The following EPS15L1 variants were observed in gnomAD, a reference collection of about 807,000 sequenced individuals.
EPS15L1 encodes epidermal growth factor receptor pathway substrate 15 like 1.
In EPS15L1, 43 loss-of-function variants were observed where a neutral mutation model predicts 117.1. The observed-to-expected ratio is 0.37, with a 90% CI of 0.29 to 0.47. The LOEUF (loss-of-function observed/expected upper bound fraction) is 0.47, where lower values mean the gene tolerates loss of function less well. Among genes scored for constraint, EPS15L1 ranks in the 20% least tolerant of loss-of-function variants. The pLI is 0.99. For missense variants in EPS15L1, 981 were observed against 1,164.0 expected (o/e 0.84, Z 2.29); for synonymous variants, 459 against 470.5 (o/e 0.98, Z 0.32).
chr19:16,393,863 G>GT, intron 18 of EPS15L1, 88 bp downstream of exon 18: 1 of 1,288,586 alleles, frequency 7.8e-7, no homozygotes, highest in Middle Eastern at 1.9e-4. Context: ...CATCCCCGGT[G>GT]TATGTGGACA....
intron 22 of EPS15L1, among the ~76,000 whole-genome samples, chr19:16,373,430 GTTTT>G (rs907930605): frequency 2.5e-4 from 37 of 149,564 alleles, no homozygotes; most frequent in African/African-American, 8.4e-4. Flanking sequence ...TTGTTTGTTT[GTTTT>G]AAGAAAACAT....
intron 1 of EPS15L1, among the ~76,000 whole-genome samples, chr19:16,450,871 CCAT>C (rs1479221922): frequency 3.9e-5 from 6 of 152,122 alleles, no homozygotes; most frequent in Non-Finnish European, 8.8e-5. Flanking sequence ...CTGAACATAG[CCAT>C]CATCATCAAT....
Position 16,404,724 on chromosome 19 carries a change from T to A in EPS15L1, c.1292A>T (p.Glu431Val). ...CTCGAGCTCCTGCAAACTGCTTGTT[T>A]CCCGGTCTAGGTCATTTTGTAATTC... ...VQELQNDLDR[E>V]TSSLQELEAQ... Residue 431 changes from glutamate (E) to valine (V), a missense_variant, in exon 14 of 24, where the codon GAA becomes GTA. Physicochemically the swap from Glu to Val is moderately radical, Grantham distance 121. Transcript: ENST00000455140. The surrounding 1 kb of genome is among the most constrained non-coding windows in gnomAD (Gnocchi z 4.2). The A allele has an allele frequency of 6.2e-7, 1 of 1,614,220 alleles. No individual in the cohort carries two copies. The highest frequency in any genetic ancestry group is 8.5e-7 in the Non-Finnish European group (1 of 1,180,030).
intron 2 of EPS15L1, 22 bp from the exon 3 acceptor site, chr19:16,442,003 C>G: frequency 6.3e-7 from 1 of 1,599,780 alleles, no homozygotes; most frequent in Non-Finnish European, 8.5e-7. Context: ...GACCAAGAGG[C>G]AAAATAACTT....
intron 7 of EPS15L1, 124 bp downstream of exon 7, chr19:16,434,241 C>T (rs773805733): frequency 6.1e-6 from 8 of 1,301,758 alleles, no homozygotes; most frequent in Admixed American, 4.6e-5. Context: ...CTGATGAAAG[C>T]CCCTGATGGC....
intron 13 of EPS15L1, chr19:16,413,162 AC>A: frequency 1.5e-6 from 1 of 661,976 alleles, no homozygotes. Flanking sequence ...GGGCCATCAT[AC>A]TGGCCAAGCT....
chr19:16,370,664 T>G lies in EPS15L1; in HGVS notation c.2380+6458A>C, dbSNP rs190725712. The stretch of plus-strand genomic sequence containing the variant: ...ATGCTTCTATTTTCAAACTCAGTGG[T>G]CTTTACAGAACAGAAAGTGCTCCAA... On this transcript the variant is annotated intron_variant, in intron 22 of 23. Transcript: ENST00000455140. This position sits in a 1 kb window ranked among gnomAD's most constrained non-coding sequence, Gnocchi z 5.2. 2.6e-5 allele frequency among the ~76,000 whole-genome samples: 4 copies of G among 152,174 alleles called. No homozygotes were observed. Among genetic ancestry groups the G allele is most frequent in the Non-Finnish European group, 4.4e-5 (3 of 68,008 alleles).
intron 6 of EPS15L1, 74 bp downstream of exon 6, chr19:16,436,863 A>G: frequency 8.1e-7 from 1 of 1,232,728 alleles, no homozygotes; most frequent in South Asian, 1.3e-5. Flanking sequence ...CAATTCCAGA[A>G]CAATTCTAGA....
At chr19:16,400,336 C>CAAAAAAAAAAAAAAAA (rs1162302779) in intron 16 of EPS15L1, among the ~76,000 whole-genome samples, 14 of 60,700 alleles carry the variant, frequency 2.3e-4, no homozygotes, top group Admixed American at 1.5e-3. Flanking sequence ...GACTCCGTCT[C>CAAAAAAAAAAAAAAAA]AAAAAAAAAA....
rs544025345 is a variant in EPS15L1, at chr19:16,437,900, A to G, written c.214-35T>C. 7.9e-5 allele frequency: 121 copies of G among 1,524,354 alleles called. No individual in the cohort carries two copies. In the East Asian group the frequency reaches 2.6e-3, roughly 33 times the overall value. The allele number at this position is 1,524,354 out of a possible 1,614,324, so 94.4% of individuals were successfully genotyped here. ...CAAAGAAAGGGAAGGAGTAAACAGCATATCGCCAGTGAGGGTAGGGGGAGC... is the reference window on the plus strand; with the variant it reads ...CAAAGAAAGGGAAGGAGTAAACAGCGTATCGCCAGTGAGGGTAGGGGGAGC... On this transcript the variant is annotated intron_variant, in intron 4 of 23. Transcript: ENST00000455140.
At chr19:16,387,327 G>T (rs1413582732) in intron 19 of EPS15L1, among the ~76,000 whole-genome samples, 2 of 152,226 alleles carry the variant, frequency 1.3e-5, no homozygotes, top group Non-Finnish European at 2.9e-5. Flanking sequence ...GGCCAGGCGG[G>T]CAAGGCACAG....
chr19:16,376,447 A>C (rs528764732), intron 22 of EPS15L1, among the ~76,000 whole-genome samples: 2 of 152,324 alleles, frequency 1.3e-5, no homozygotes, highest in South Asian at 4.1e-4. Context: ...CTCGAGGGCC[A>C]AGGCTAGGAG....
intron 1 of EPS15L1, 23 bp from the exon 2 acceptor site, chr19:16,442,242 T>C (rs375104276): frequency 2.5e-6 from 4 of 1,609,546 alleles, no homozygotes; most frequent in Non-Finnish European, 3.4e-6. Flanking sequence ...CCACAGATAT[T>C]GGTCAAAAGT....
At chr19:16,375,325 A>G (rs2092281024) in intron 22 of EPS15L1, among the ~76,000 whole-genome samples, 1 of 151,962 alleles carries the variant, frequency 6.6e-6, no homozygotes, top group African/African-American at 2.4e-5. Context: ...GGCGTGGAGG[A>G]TGTGTGTACA....
At chr19:16,356,030 GC>G (rs939370956) in intron 23 of EPS15L1, among the ~76,000 whole-genome samples, 179 bp from the exon 24 acceptor site, 12 of 152,358 alleles carry the variant, frequency 7.9e-5, no homozygotes, top group African/African-American at 2.6e-4. Flanking sequence ...CCTGTCTCAG[GC>G]CCCCCATCTG....
Position 16,373,063 on chromosome 19 carries a change from C to T in EPS15L1, c.2380+4059G>A, listed in dbSNP as rs1342472240. On this transcript the variant is annotated intron_variant, in intron 22 of 23. Coordinates refer to ENST00000455140, the MANE Select transcript of EPS15L1 (RefSeq NM_001258374.3). ...GGGACATCAGACATGTTCCATGTGC[C>T]AGGCGGAGAGATGACAGAAAAGCTT... is the stretch of plus-strand genomic sequence containing the variant. 2.0e-5 allele frequency among the ~76,000 whole-genome samples: 3 copies of T among 152,226 alleles called. 1 individual carries two copies. The highest frequency in any genetic ancestry group is 4.1e-4 in the South Asian group (2 of 4,832).
At chr19:16,450,478 T>TC (rs985653005) in intron 1 of EPS15L1, among the ~76,000 whole-genome samples, 1 of 60,440 alleles carries the variant, frequency 1.7e-5, no homozygotes, top group African/African-American at 9.4e-5. Flanking sequence ...GTCCATCTTC[T>TC]TTTTTTTTTT....
intron 13 of EPS15L1, among the ~76,000 whole-genome samples, chr19:16,410,142 A>AG (rs1357263622): frequency 1.3e-5 from 2 of 152,070 alleles, no homozygotes; most frequent in Non-Finnish European, 2.9e-5. Flanking sequence ...TCAAAAAAAA[A>AG]AAAAAATGCA....
intron 23 of EPS15L1, among the ~76,000 whole-genome samples, chr19:16,360,457 G>A (rs1175874673): frequency 1.3e-5 from 2 of 151,994 alleles, no homozygotes; most frequent in African/African-American, 4.8e-5. Context: ...TCAGGGTCTT[G>A]GGCGATTTAA....
Sources: allele counts gnomAD v4.1 joint callset (sites outside exome capture counted in the v4.1 genomes callset), GRCh38; gene constraint gnomAD v4.1.1; non-coding constraint Gnocchi (gnomAD v3.1); transcripts MANE v1.5; gene names NCBI Gene and HGNC (gene_info 2026-07-23, HGNC 2026-07-21).